Variants in TEX14 observed in about 807,000 individuals in gnomAD.
TEX14 encodes testis expressed 14, intercellular bridge forming factor.
TEX14 carries 168 observed loss-of-function variants against 178.6 expected under a neutral mutation model. The observed-to-expected ratio is 0.94, with a 90% CI of 0.83 to 1.07. The LOEUF is 1.07. Among genes scored for constraint, TEX14 ranks in the 50% least tolerant of loss-of-function variants. The pLI, the probability that TEX14 is intolerant of heterozygous loss-of-function variation, is 0.00. For synonymous variants in TEX14, 626 were observed against 634.1 expected, an observed-to-expected ratio of 0.99 and a Z score of 0.19; for missense variants, 1,730 against 1,753.6, an observed-to-expected ratio of 0.99 and a Z score of 0.24.
rs946539155 is a variant in TEX14, at chr17:58,617,578, A to G, written c.596T>C (p.Val199Ala). 3.1e-6 allele frequency: 5 copies of G among 1,613,654 alleles called. No homozygotes were observed. Among genetic ancestry groups the G allele is most frequent in the Middle Eastern group, 1.6e-4 (1 of 6,062 alleles). ...GCTGTAGATATTTTGAGCAGAAATG[A>G]CTCCAGCTTTAAGCAGTCGGTTAGG... Reference protein sequence around the residue: ...GSPNRLLKAGVISAQNIYSFG... With the variant: ...GSPNRLLKAGAISAQNIYSFG... The change falls in exon 6 of 32, where the codon GTC becomes GCC. Residue 199 changes from valine (V) to alanine (A), a missense_variant. Around this residue, in one of 2 missense-constraint regions of TEX14, gnomAD observed 789 missense variants for 681.2 expected, o/e 1.16. Transcript: ENST00000349033.
chr17:58,655,478 G>C (rs964507042), intron 1 of TEX14, among the ~76,000 whole-genome samples: 1 of 152,064 alleles, frequency 6.6e-6, no homozygotes, highest in Admixed American at 6.6e-5. Context: ...CACCGCACCC[G>C]GCGACTAATG....
intron 1 of TEX14, among the ~76,000 whole-genome samples, chr17:58,665,773 C>T (rs1178685779): frequency 6.6e-6 from 1 of 151,902 alleles, no homozygotes; most frequent in African/African-American, 2.4e-5. Flanking sequence ...AGGCTGGGCG[C>T]GGTGGCTCAC....
rs113940463 is a variant in TEX14 at position 58,629,553 on chromosome 17, G to A, written c.251+887C>T. Among the ~76,000 whole-genome samples the A allele has an allele frequency of 9.2e-3, 1,383 of 150,058 alleles. 24 individuals are homozygous for A. Among genetic ancestry groups the A allele is most frequent in the African/African-American group, 0.031 (1,271 of 40,902 alleles). On this transcript the variant is annotated intron_variant, in intron 3 of 31. Transcript: ENST00000349033. ...TTTAGACCAACTATTGGCCGGGCAC[G>A]GTGGCTCACGCCTGTAATCCCAGCA... is the stretch of plus-strand genomic sequence containing the variant.
chr17:58,683,494 G>A (rs963978045), intron 1 of TEX14, among the ~76,000 whole-genome samples: 10 of 152,038 alleles, frequency 6.6e-5, no homozygotes, highest in African/African-American at 2.4e-4. Flanking sequence ...CAGGTGCGGT[G>A]GTTTACGCCT....
chr17:58,611,132 G>C, intron 10 of TEX14, 29 bp downstream of exon 10: 2 of 1,583,422 alleles, frequency 1.3e-6, no homozygotes, highest in Non-Finnish European at 1.7e-6. Context: ...TCAACTTCAG[G>C]AGAAAGTCCC....
intron 1 of TEX14, among the ~76,000 whole-genome samples, chr17:58,670,528 C>G (rs943625992): frequency 1.3e-5 from 2 of 151,766 alleles, no homozygotes; most frequent in Non-Finnish European, 2.9e-5. Context: ...AATCCCAGCA[C>G]TTTGGGAGGC....
chr17:58,562,700 G>A (rs1237256949), intron 28 of TEX14, among the ~76,000 whole-genome samples: 3 of 151,328 alleles, frequency 2.0e-5, no homozygotes, highest in East Asian at 2.0e-4. Flanking sequence ...TAGTAGAGAC[G>A]GGGTTTTGCC....
Position 58,605,263 on chromosome 17 carries a change from C to T in TEX14, c.1185-134G>A, listed in dbSNP as rs2045579902. On this transcript the variant is annotated intron_variant, in intron 10 of 31. Transcript: ENST00000349033. ...CTGGAAAGCAGCAGCGTGATCTCAGCTCACTGCAACCTCTGCCACCTCCCG... is the reference window on the plus strand; with the variant it reads ...CTGGAAAGCAGCAGCGTGATCTCAGTTCACTGCAACCTCTGCCACCTCCCG... 4.9e-6 allele frequency: 5 copies of T among 1,027,714 alleles called. No individual in the cohort carries two copies. The East Asian group carries it at 1.3e-4, about 28-fold the overall frequency. The allele number at this position is 1,027,714 out of a possible 1,614,324, so 63.7% of individuals were successfully genotyped here. A position where few individuals can be genotyped will look rare whatever the true frequency, so the allele number is the denominator to read the frequency against.
intron 10 of TEX14, among the ~76,000 whole-genome samples, chr17:58,608,048 C>G (rs1469105070): frequency 6.6e-6 from 1 of 152,088 alleles, no homozygotes; most frequent in Non-Finnish European, 1.5e-5. Context: ...TTTGGGAGGC[C>G]AGGTCGGGCA....
At chr17:58,635,733 C>G (rs1167041538) in intron 2 of TEX14, among the ~76,000 whole-genome samples, 6 of 151,368 alleles carry the variant, frequency 4.0e-5, no homozygotes, top group African/African-American at 1.5e-4. Flanking sequence ...CCCAGCCCAC[C>G]AAGGGCTTCT....
rs2045357535 is a variant in TEX14 at position 58,598,877 on chromosome 17, A to G, written c.2468T>C (p.Met823Thr). 2.5e-6 allele frequency: 4 copies of G among 1,593,186 alleles called. No individual in the cohort carries two copies. Among genetic ancestry groups the G allele is most frequent in the African/African-American group, 1.4e-5 (1 of 73,950 alleles). ...ATGTCCCCCTTGAAAGTCTCTTACC[A>G]TTCTTGGAAATCTTGGTAGGGTTGG... is the stretch of plus-strand genomic sequence containing the variant. ...NYPTLPRFPRMLPTLCDPGKQ... is the reference protein window; with the variant it reads ...NYPTLPRFPRTLPTLCDPGKQ... Residue 823 changes from methionine to threonine, a missense_variant and splice_region_variant, in exon 14 of 32, where the codon ATG becomes ACG. Met to Thr is a moderately conservative substitution (Grantham distance 81). Coordinates refer to ENST00000349033, the MANE Select transcript of TEX14 (RefSeq NM_031272.5).
chr17:58,668,427 G>A (rs1158279139), intron 1 of TEX14, among the ~76,000 whole-genome samples: 1 of 152,222 alleles, frequency 6.6e-6, no homozygotes, highest in Middle Eastern at 3.2e-3. Flanking sequence ...CCCTGCAAAT[G>A]TGGAGGAAGT....
At chr17:58,669,876 C>T (rs990680076) in intron 1 of TEX14, among the ~76,000 whole-genome samples, 1 of 152,116 alleles carries the variant, frequency 6.6e-6, no homozygotes, top group African/African-American at 2.4e-5. Context: ...ACTCCCTTGC[C>T]CAAAGCCCTT....
At chr17:58,659,952 C>A (rs954473382) in intron 1 of TEX14, among the ~76,000 whole-genome samples, 2 of 151,346 alleles carry the variant, frequency 1.3e-5, no homozygotes, top group African/African-American at 4.9e-5. Flanking sequence ...CCACCTCGGC[C>A]TCCCAAAGTG....
intron 1 of TEX14, among the ~76,000 whole-genome samples, chr17:58,665,412 C>G (rs879909199): frequency 6.6e-6 from 1 of 151,190 alleles, no homozygotes; most frequent in Non-Finnish European, 1.5e-5. Flanking sequence ...ATCAGCCTGA[C>G]CAACTTGCCT....
chr17:58,626,524 C>T (rs1021057695), intron 3 of TEX14, among the ~76,000 whole-genome samples: 5 of 139,348 alleles, frequency 3.6e-5, no homozygotes, highest in Non-Finnish European at 6.2e-5. Context: ...GAGCCAAGAC[C>T]GTGCCACTGC....
At chr17:58,673,331 A>C (rs2047334675) in intron 1 of TEX14, among the ~76,000 whole-genome samples, 1 of 151,636 alleles carries the variant, frequency 6.6e-6, no homozygotes, top group Non-Finnish European at 1.5e-5. Flanking sequence ...CAAATATAAA[A>C]AATTAGCCAG....
intron 20 of TEX14, among the ~76,000 whole-genome samples, chr17:58,577,876 C>T (rs891485392): frequency 6.6e-6 from 1 of 152,232 alleles, no homozygotes; most frequent in African/African-American, 2.4e-5. Flanking sequence ...ACTTGGCCAT[C>T]AAACACTAGG....
intron 1 of TEX14, among the ~76,000 whole-genome samples, chr17:58,690,440 C>T (rs2047677302): frequency 2.0e-5 from 3 of 152,126 alleles, no homozygotes; most frequent in African/African-American, 7.2e-5. Flanking sequence ...TGCTTGGATT[C>T]CAGGCTTAAG....
Sources: gnomAD v4.1 joint callset for allele counts (sites outside exome capture counted in the v4.1 genomes callset) on GRCh38, gnomAD v4.1.1 for gene constraint, gnomAD v4.1.1 regional missense constraint, MANE v1.5 for transcripts, NCBI Gene and HGNC (gene_info 2026-07-23, HGNC 2026-07-21) for gene names.